Variants in SGCD observed in about 807,000 individuals in gnomAD.
SGCD encodes the protein delta-sarcoglycan.
SGCD carries 18 observed loss-of-function variants against 36.6 expected under a neutral mutation model. The ratio of observed to expected loss-of-function variants is 0.49; its 90% CI spans 0.34 to 0.73. The LOEUF (loss-of-function observed/expected upper bound fraction) is 0.73, where lower values mean the gene tolerates loss of function less well. Among genes scored for constraint, SGCD ranks in the 30% least tolerant of loss-of-function variants. The pLI, the probability that SGCD is intolerant of heterozygous loss-of-function variation, is 0.01. For synonymous variants in SGCD, 133 were observed against 130.6 expected, an observed-to-expected ratio of 1.02 and a Z score of -0.12; for missense variants, 387 against 346.7, an observed-to-expected ratio of 1.12 and a Z score of -0.92.
chr5:155,839,227 C>A, the SGCD span, among the ~76,000 whole-genome samples: 1 of 152,162 alleles, frequency 6.6e-6, no homozygotes, highest in Non-Finnish European at 1.5e-5. Flanking sequence ...TGTTCTGCAC[C>A]TGGCGAGAAA....
the SGCD span, among the ~76,000 whole-genome samples, chr5:155,765,518 A>C: frequency 6.6e-6 from 1 of 152,112 alleles, no homozygotes; most frequent in Non-Finnish European, 1.5e-5. Context: ...ATCTAATATA[A>C]TCTAATATAA....
chr5:156,198,637 A>G (rs1319153882), intron 3 of SGCD, among the ~76,000 whole-genome samples: 1 of 152,086 alleles, frequency 6.6e-6, no homozygotes, highest in Non-Finnish European at 1.5e-5. Context: ...CTCCATGTGA[A>G]AGAATAGTTT....
chr5:156,009,795 C>T (rs934767808), intron 1 of SGCD, among the ~76,000 whole-genome samples: 2 of 152,094 alleles, frequency 1.3e-5, no homozygotes, highest in Non-Finnish European at 2.9e-5. Context: ...CTCACTCTGA[C>T]GCCACTGAAC....
chr5:156,211,750 A>G (rs1366429040), intron 3 of SGCD, among the ~76,000 whole-genome samples: 1 of 152,164 alleles, frequency 6.6e-6, no homozygotes, highest in East Asian at 1.9e-4. Flanking sequence ...TATATAAATT[A>G]CTTATATCTT....
intron 2 of SGCD, among the ~76,000 whole-genome samples, chr5:156,119,226 G>A (rs938039972): frequency 3.3e-5 from 5 of 152,114 alleles, no homozygotes; most frequent in Non-Finnish European, 4.4e-5. Context: ...ATTTTAAGTT[G>A]TGTCATTTCT....
intron 4 of SGCD, among the ~76,000 whole-genome samples, chr5:156,588,588 G>A (rs951258117): frequency 6.6e-6 from 1 of 152,130 alleles, no homozygotes; most frequent in East Asian, 1.9e-4. Flanking sequence ...AAGTTGGGGA[G>A]CCCTTTAGAT....
At position 156,699,361 on chromosome 5, in the gene SGCD, A is replaced by G. The variant is rs552584630; in HGVS notation, c.575+51825A>G. ...GCCTGTGGTTAGTACCACCACTGCT[A>G]GTGAATACTACTTAACAACACAAAA... On this transcript the variant is annotated intron_variant, in intron 7 of 8. Coordinates refer to ENST00000337851, the MANE Select transcript of SGCD (RefSeq NM_000337.6). Among the ~76,000 whole-genome samples the G allele has an allele frequency of 2.2e-4, 34 of 152,314 alleles. 1 individual carries two copies. The South Asian group carries it at 6.8e-3, about 31-fold the overall frequency.
chr5:156,538,091 G>A (rs1758194578), intron 4 of SGCD, among the ~76,000 whole-genome samples: 2 of 140,090 alleles, frequency 1.4e-5, no homozygotes, highest in African/African-American at 5.2e-5. Context: ...AGAGTCTCTA[G>A]AATAATATAT....
the SGCD span, among the ~76,000 whole-genome samples, chr5:155,767,389 T>C: frequency 6.6e-6 from 1 of 152,214 alleles, no homozygotes; most frequent in Non-Finnish European, 1.5e-5. Flanking sequence ...ATATTGGCAG[T>C]GGCACCTTGT....
intron 7 of SGCD, among the ~76,000 whole-genome samples, chr5:156,666,981 C>A (rs1434128418): frequency 2.0e-5 from 3 of 152,052 alleles, no homozygotes; most frequent in South Asian, 2.1e-4. Flanking sequence ...AATTAAAAAA[C>A]CATGCAGGTT....
At chr5:156,100,219 T>C (rs1761489146) in intron 1 of SGCD, among the ~76,000 whole-genome samples, 1 of 152,036 alleles carries the variant, frequency 6.6e-6, no homozygotes, top group African/African-American at 2.4e-5. Context: ...CTCCATGAAT[T>C]TGGAGCCAAA....
chr5:156,342,972 G>A (rs1489871337), intron 2 of SGCD, among the ~76,000 whole-genome samples: 1 of 152,180 alleles, frequency 6.6e-6, no homozygotes, highest in Non-Finnish European at 1.5e-5. Flanking sequence ...TGCCATGTAG[G>A]CCTTCATGGA....
At chr5:156,209,219 G>A (rs548303838) in intron 3 of SGCD, among the ~76,000 whole-genome samples, 5 of 152,302 alleles carry the variant, frequency 3.3e-5, no homozygotes, top group African/African-American at 1.2e-4. Context: ...CTTGGTCTCT[G>A]TGTTTTCTCC....
At chr5:155,736,658 G>A in the SGCD span, among the ~76,000 whole-genome samples, 1 of 152,124 alleles carries the variant, frequency 6.6e-6, no homozygotes, top group Non-Finnish European at 1.5e-5. Context: ...AATGGGCATT[G>A]AGGATAAATA....
chr5:156,097,218 C>T (rs1195437985), intron 1 of SGCD, among the ~76,000 whole-genome samples: 1 of 151,820 alleles, frequency 6.6e-6, no homozygotes, highest in Non-Finnish European at 1.5e-5. Flanking sequence ...ATTCGCTGAA[C>T]TTCATAGATC....
intron 7 of SGCD, among the ~76,000 whole-genome samples, chr5:156,726,156 T>C (rs1423010594): frequency 6.6e-6 from 1 of 152,196 alleles, no homozygotes; most frequent in East Asian, 1.9e-4. Flanking sequence ...ATTCCTGAAA[T>C]ATTTTAGAAC....
At chr5:156,100,357 T>G (rs1180824286) in intron 1 of SGCD, among the ~76,000 whole-genome samples, 1 of 152,094 alleles carries the variant, frequency 6.6e-6, no homozygotes, top group Non-Finnish European at 1.5e-5. Context: ...TAGTATCTCC[T>G]GGGAATCCTG....
intron 7 of SGCD, among the ~76,000 whole-genome samples, chr5:156,663,577 G>GTGATTAGTTATTCAAT (rs1489749301): frequency 2.7e-5 from 4 of 145,674 alleles, no homozygotes. Flanking sequence ...GAATTGAAGA[G>GTGATTAGTTATTCAAT]CTAATAACCA....
chr5:156,297,712 C>T (rs891330085), intron 3 of SGCD, among the ~76,000 whole-genome samples: 1 of 151,614 alleles, frequency 6.6e-6, no homozygotes, highest in Non-Finnish European at 1.5e-5. Context: ...GGGTGCAGTG[C>T]ACCAGCATGG....
Sources: allele counts gnomAD v4.1 joint callset (sites outside exome capture counted in the v4.1 genomes callset), GRCh38; gene constraint gnomAD v4.1.1; transcripts MANE v1.5; gene names NCBI Gene and HGNC (gene_info 2026-07-23, HGNC 2026-07-21).